PAFAH1B1: variants seen among roughly 807,000 people sequenced by gnomAD.
The protein encoded by PAFAH1B1 is platelet-activating factor acetylhydrolase IB subunit beta.
A neutral mutation model predicts 57.5 loss-of-function variants in PAFAH1B1; 2 were observed. That is an observed-to-expected ratio of 0.03 (90% CI 0.01 to 0.11). The LOEUF is 0.11. PAFAH1B1 is among the 10% of genes least tolerant of loss of function. The pLI is 1.00. For missense variants in PAFAH1B1, 257 were observed against 512.0 expected (o/e 0.50, Z 4.81); for synonymous variants, 152 against 169.6 (o/e 0.90, Z 0.81).
intron 2 of PAFAH1B1, among the ~76,000 whole-genome samples, chr17:2,646,863 T>C (rs2068775957): frequency 6.6e-6 from 1 of 152,176 alleles, no homozygotes. Context: ...CTTCCCAGAT[T>C]ACATTGCTTT....
chr17:2,595,054 G>A (rs529726619), intron 1 of PAFAH1B1, among the ~76,000 whole-genome samples: 2 of 152,244 alleles, frequency 1.3e-5, no homozygotes, highest in East Asian at 3.9e-4. Context: ...TGGGGTTTGG[G>A]CCCAATTTAT....
At position 2,682,864 on chromosome 17, in the gene PAFAH1B1, T is replaced by C. The variant is rs2069405319; in HGVS notation, c.*1062T>C. The C allele has an allele frequency of 6.6e-6, 1 of 152,658 alleles. No individual in the cohort carries two copies. The highest frequency in any genetic ancestry group is 2.4e-5 in the African/African-American group (1 of 41,444). 9.5% of individuals were successfully genotyped at this position (152,658 alleles called of 1,614,324 possible). ...ATGACAGGGTTTAATGGAGCGTGCA[T>C]AAAAATGTACTGTTTTCACCTTTTG... On this transcript the variant is annotated 3_prime_UTR_variant, in exon 11 of 11. Coordinates refer to ENST00000397195, the MANE Select transcript of PAFAH1B1 (RefSeq NM_000430.4).
Position 2,666,977 on chromosome 17 carries a change from A to G in PAFAH1B1, c.193-15A>G, listed in dbSNP as rs2069114484. Reference sequence around the variant, plus strand: ...TTGAAATCTATCTGTACGTAACTACATGTTCTTTTTCAAGGTTATGGAATT... The same window carrying G: ...TTGAAATCTATCTGTACGTAACTACGTGTTCTTTTTCAAGGTTATGGAATT... On this transcript the variant is annotated splice_polypyrimidine_tract_variant and intron_variant, in intron 4 of 10. Coordinates refer to ENST00000397195, the MANE Select transcript of PAFAH1B1 (RefSeq NM_000430.4). The G allele has an allele frequency of 6.3e-7, 1 of 1,583,054 alleles. No individual in the cohort carries two copies. The highest frequency in any genetic ancestry group is 8.7e-7 in the Non-Finnish European group (1 of 1,151,826).
At chr17:2,659,865 T>C (rs2068991964) in intron 2 of PAFAH1B1, among the ~76,000 whole-genome samples, 1 of 152,146 alleles carries the variant, frequency 6.6e-6, no homozygotes, top group African/African-American at 2.4e-5. Flanking sequence ...TGTTACCTGT[T>C]TGAGACTTGA....
intron 1 of PAFAH1B1, among the ~76,000 whole-genome samples, chr17:2,616,385 C>T (rs1031926288): frequency 4.6e-5 from 7 of 152,094 alleles, no homozygotes; most frequent in Non-Finnish European, 1.0e-4. Context: ...GAGGAATTGG[C>T]TCATGCTATT....
chr17:2,595,667 G>A (rs1044509963), intron 1 of PAFAH1B1, among the ~76,000 whole-genome samples: 2 of 152,112 alleles, frequency 1.3e-5, no homozygotes, highest in African/African-American at 4.8e-5. Flanking sequence ...AAGCAGAAGA[G>A]TAATCTGTAT....
chr17:2,652,754 T>G (rs1397054419), intron 2 of PAFAH1B1, among the ~76,000 whole-genome samples: 2 of 152,104 alleles, frequency 1.3e-5, no homozygotes, highest in African/African-American at 4.8e-5. Flanking sequence ...TTGGGTACTT[T>G]TTGTCAGGAA....
chr17:2,654,700 G>T (rs2068913740), intron 2 of PAFAH1B1, among the ~76,000 whole-genome samples: 1 of 152,084 alleles, frequency 6.6e-6, no homozygotes, highest in Non-Finnish European at 1.5e-5. Flanking sequence ...GGAGTGCAGT[G>T]GCTCAATCTC....
chr17:2,603,834 A>G (rs954895981), intron 1 of PAFAH1B1, among the ~76,000 whole-genome samples: 4 of 150,278 alleles, frequency 2.7e-5, no homozygotes, highest in African/African-American at 9.8e-5. Context: ...TCCACCTCCC[A>G]GGTTCGAGTG....
At chr17:2,605,294 A>C (rs147126365) in intron 1 of PAFAH1B1, among the ~76,000 whole-genome samples, 98 of 152,324 alleles carry the variant, frequency 6.4e-4, no homozygotes, top group African/African-American at 2.2e-3. Flanking sequence ...ACGAGGTGTT[A>C]TTAGCCATAG....
chr17:2,604,308 G>T (rs2068180319), intron 1 of PAFAH1B1, among the ~76,000 whole-genome samples: 1 of 152,164 alleles, frequency 6.6e-6, no homozygotes, highest in Admixed American at 6.6e-5. Flanking sequence ...AAAGTGCTGA[G>T]GTTACAGGTG....
chr17:2,650,070 G>C (rs549656188), intron 2 of PAFAH1B1, among the ~76,000 whole-genome samples: 1 of 152,326 alleles, frequency 6.6e-6, no homozygotes, highest in African/African-American at 2.4e-5. Context: ...TATCAAAATA[G>C]AAAACTTCTG....
chr17:2,610,751 T>G (rs894607152), intron 1 of PAFAH1B1, among the ~76,000 whole-genome samples: 7 of 152,240 alleles, frequency 4.6e-5, no homozygotes, highest in Non-Finnish European at 1.0e-4. Context: ...CATGGGGCTC[T>G]CATAAAGAGG....
chr17:2,602,127 C>A (rs193145961), intron 1 of PAFAH1B1, among the ~76,000 whole-genome samples: 4 of 151,898 alleles, frequency 2.6e-5, no homozygotes, highest in Admixed American at 2.6e-4. Context: ...CAAATCCCAA[C>A]GTAAAGATAA....
chr17:2,626,800 G>A (rs1036714200), intron 1 of PAFAH1B1, among the ~76,000 whole-genome samples: 6 of 151,996 alleles, frequency 3.9e-5, no homozygotes, highest in Non-Finnish European at 7.4e-5. Context: ...TGATCTGCCC[G>A]CATCGACCTC....
chr17:2,643,785 T>C (rs556247721), intron 2 of PAFAH1B1, among the ~76,000 whole-genome samples: 2 of 152,148 alleles, frequency 1.3e-5, no homozygotes, highest in African/African-American at 4.8e-5. Context: ...GGTCTCAAGC[T>C]CCTGACCTCA....
chr17:2,647,964 G>A (rs11868182), intron 2 of PAFAH1B1, among the ~76,000 whole-genome samples: 3,815 of 152,122 alleles, frequency 0.025, 168 homozygotes, highest in African/African-American at 0.087. Context: ...AGATCATGCC[G>A]CTGCACTCCA....
chr17:2,678,294 G>A (rs2069303604), intron 9 of PAFAH1B1, among the ~76,000 whole-genome samples: 1 of 151,710 alleles, frequency 6.6e-6, no homozygotes, highest in South Asian at 2.1e-4. Flanking sequence ...CCAGCTACTT[G>A]GGAAGGCTGA....
chr17:2,596,439 C>T (rs1432156545), intron 1 of PAFAH1B1, among the ~76,000 whole-genome samples: 1 of 152,148 alleles, frequency 6.6e-6, no homozygotes, highest in Non-Finnish European at 1.5e-5. Flanking sequence ...AAAGCCCCTT[C>T]AGATCTTTTC....
Sources: allele counts gnomAD v4.1 joint callset (sites outside exome capture counted in the v4.1 genomes callset), GRCh38; gene constraint gnomAD v4.1.1; transcripts MANE v1.5; gene names NCBI Gene and HGNC (gene_info 2026-07-23, HGNC 2026-07-21).